ARPC5: variants seen among roughly 807,000 people sequenced by gnomAD.
The protein encoded by ARPC5 is actin related protein 2/3 complex subunit 5.
ARPC5 carries 5 observed loss-of-function variants against 15.4 expected under a neutral mutation model. That is an observed-to-expected ratio of 0.32 (90% confidence interval 0.17 to 0.68). ARPC5 has a LOEUF of 0.68. Ranked by LOEUF, ARPC5 falls within the 30% of genes least tolerant of loss-of-function variation. ARPC5 has a pLI of 0.71. For missense variants in ARPC5, 138 were observed against 192.8 expected (o/e 0.72, Z 1.68); for synonymous variants, 85 against 72.2 (o/e 1.18, Z -0.90).
At position 183,629,410 on chromosome 1, in the gene ARPC5, C is replaced by T. The variant is rs1649202623; in HGVS notation, c.393+1051G>A. 2.0e-5 allele frequency among the ~76,000 whole-genome samples: 3 copies of T among 152,116 alleles called. No individual in the cohort carries two copies. The South Asian group carries it at 6.2e-4, about 32-fold the overall frequency. On this transcript the variant is annotated intron_variant, in intron 3 of 3. Coordinates refer to ENST00000359856, the MANE Select transcript of ARPC5 (RefSeq NM_005717.4). ...ATGGTACCTGGCAACAGAAAGTGTTCCATGAATAGGGTGCCATATAAATTA... is the reference window on the plus strand; with the variant it reads ...ATGGTACCTGGCAACAGAAAGTGTTTCATGAATAGGGTGCCATATAAATTA...
rs930247672 is a variant in ARPC5, at chr1:183,624,031, AAAATT to A, written c.*3496_*3500del. ...GAGCAAGACTCCATCTCAAAAAAAA[AAAATT>A]AATTAATTAATTTTCTTTTTTACCT... is the stretch of plus-strand genomic sequence containing the variant. On this transcript the variant is annotated 3_prime_UTR_variant, in exon 4 of 4. Coordinates refer to ENST00000359856, the MANE Select transcript of ARPC5 (RefSeq NM_005717.4). 1.2e-4 allele frequency: 18 copies of A among 153,824 alleles called. No individual in the cohort carries two copies. The highest frequency in any genetic ancestry group is 3.2e-4 in the African/African-American group (13 of 40,314). The allele number at this position is 153,824 out of a possible 1,614,324, so 9.5% of individuals were successfully genotyped here. A position where few individuals can be genotyped will look rare whatever the true frequency, so the allele number is the denominator to read the frequency against.
chr1:183,635,123 C>CA (rs1292439420), intron 1 of ARPC5, among the ~76,000 whole-genome samples: 1 of 152,146 alleles, frequency 6.6e-6, no homozygotes, highest in Non-Finnish European at 1.5e-5. Context: ...CCCAGGAAAT[C>CA]AGAGTTCTAG....
Position 183,627,547 on chromosome 1 carries a change from T to C in ARPC5, c.441A>G (p.Ala147=), listed in dbSNP as rs758123791. Residue 147 remains alanine (A), a synonymous_variant, in exon 4 of 4, where the codon GCA becomes GCG. Coordinates refer to ENST00000359856, the MANE Select transcript of ARPC5 (RefSeq NM_005717.4). ...TCCTGCCAGACTACACAGTTTTTCT[T>C]GCAGTCAAGACACGAACAATGGACC... is the stretch of plus-strand genomic sequence containing the variant. The part of the protein sequence containing the change: ...GVGSIVRVLT[A]RKTV 5 of 1,614,114 alleles carry C rather than the reference T, an allele frequency of 3.1e-6. No individual in the cohort carries two copies. Among genetic ancestry groups the C allele is most frequent in the East Asian group, 4.5e-5 (2 of 44,884 alleles).
At chr1:183,628,201 A>AAAAAAC (rs1491059954) in intron 3 of ARPC5, among the ~76,000 whole-genome samples, 1 of 148,762 alleles carries the variant, frequency 6.7e-6, no homozygotes, top group African/African-American at 2.5e-5. Context: ...AAAAAAAAAA[A>AAAAAAC]ATCTGCAGCA....
At chr1:183,633,521 A>G (rs1649327396) in intron 1 of ARPC5, 1 of 155,980 alleles carries the variant, frequency 6.4e-6, no homozygotes, top group African/African-American at 2.4e-5. Flanking sequence ...ATAACCTATT[A>G]TCAACCAAAA....
intron 1 of ARPC5, among the ~76,000 whole-genome samples, chr1:183,634,770 G>C (rs1212325169): frequency 6.6e-6 from 1 of 152,026 alleles, no homozygotes; most frequent in Non-Finnish European, 1.5e-5. Flanking sequence ...CGCATTCCCC[G>C]TTGTTTTTTC....
Position 183,635,689 on chromosome 1 carries a change from T to C in ARPC5, c.-30A>G, listed in dbSNP as rs1304556141. On this transcript the variant is annotated 5_prime_UTR_variant, in exon 1 of 4. Coordinates refer to ENST00000359856, the MANE Select transcript of ARPC5 (RefSeq NM_005717.4). Reference sequence around the variant, plus strand: ...ATCCCGACCAGCGGCAAAGGCCTCTTCTTGGCGCTGCCTCTACCTCAGCAA... The same window carrying C: ...ATCCCGACCAGCGGCAAAGGCCTCTCCTTGGCGCTGCCTCTACCTCAGCAA... The C allele has an allele frequency of 6.2e-7, 1 of 1,603,242 alleles. No homozygotes were observed. The highest frequency in any genetic ancestry group is 2.3e-5 in the East Asian group (1 of 44,302).
At chr1:183,629,196 A>G (rs1378814883) in intron 3 of ARPC5, among the ~76,000 whole-genome samples, 5 of 152,348 alleles carry the variant, frequency 3.3e-5, no homozygotes, top group East Asian at 1.9e-4. Flanking sequence ...AAATGAGTTA[A>G]TATTTATAAA....
chr1:183,627,608 A>G lies in ARPC5; in HGVS notation c.394-14T>C. On this transcript the variant is annotated splice_polypyrimidine_tract_variant and intron_variant, in intron 3 of 3. Coordinates refer to ENST00000359856, the MANE Select transcript of ARPC5 (RefSeq NM_005717.4). ...AGCAGCAAGTGCCTAAAAACAAACCAAGATGTAAATGTTGACAGAATAATA... is the reference window on the plus strand; with the variant it reads ...AGCAGCAAGTGCCTAAAAACAAACCGAGATGTAAATGTTGACAGAATAATA... 2 of 1,607,510 alleles carry G rather than the reference A, an allele frequency of 1.2e-6. No homozygotes were observed. The highest frequency in any genetic ancestry group is 1.3e-5 in the African/African-American group (1 of 74,834).
chr1:183,630,857 T>A, intron 2 of ARPC5: 1 of 444,632 alleles, frequency 2.2e-6, no homozygotes, highest in South Asian at 5.0e-5. Flanking sequence ...CCAATGTGGT[T>A]GGAGTGGATT....
chr1:183,631,235 A>G (rs1649253999), intron 2 of ARPC5: 1 of 151,990 alleles, frequency 6.6e-6, no homozygotes, highest in South Asian at 2.1e-4. Context: ...ATAATTTAAC[A>G]ATTTATTAAA....
In ARPC5 at chr1:183,622,264, T is replaced by G. The variant is rs1648959559; in HGVS notation, c.*5268A>C. 6.6e-6 allele frequency: 1 copy of G among 152,238 alleles called. No homozygotes were observed. 9.4% of individuals were successfully genotyped at this position (152,238 alleles called of 1,614,324 possible). On this transcript the variant is annotated 3_prime_UTR_variant, in exon 4 of 4. Transcript: ENST00000359856. ...ATGGAAAATTACCACAGTACATATT[T>G]CTTACCTTTTGAATATTGAACAATA...
rs1179284615 is a variant in ARPC5, at chr1:183,627,274, T to C, written c.*258A>G. 8.3e-6 allele frequency: 4 copies of C among 481,012 alleles called. No individual in the cohort carries two copies. The highest frequency in any genetic ancestry group is 3.7e-5 in the East Asian group (1 of 27,238). 29.8% of individuals were successfully genotyped at this position (481,012 alleles called of 1,614,324 possible). On this transcript the variant is annotated 3_prime_UTR_variant, in exon 4 of 4. Transcript: ENST00000359856. ...AAACTTGAATGTAAATTATACTATA[T>C]ACAGATTGGTATAAACATCACTGAA...
intron 3 of ARPC5, among the ~76,000 whole-genome samples, chr1:183,628,816 T>C (rs992966831): frequency 5.3e-5 from 8 of 152,348 alleles, no homozygotes; most frequent in East Asian, 3.9e-4. Context: ...GGCATTGCTA[T>C]AGCCTGAGGG....
chr1:183,630,355 CA>C, intron 3 of ARPC5, 105 bp downstream of exon 3: 2 of 945,736 alleles, frequency 2.1e-6, no homozygotes, highest in East Asian at 2.7e-5. Context: ...TTTGTAATAA[CA>C]AAAATGTACA....
rs368629315 is a variant in ARPC5 at position 183,634,993 on chromosome 1, G to A, written c.143+524C>T. Among the ~76,000 whole-genome samples the A allele has an allele frequency of 3.2e-5, 4 of 125,366 alleles. No individual in the cohort carries two copies. In the East Asian group the frequency reaches 6.6e-4, roughly 21 times the overall value. The allele number at this position is 125,366 out of a possible 152,430, so 82.2% of individuals were successfully genotyped here. A position where few individuals can be genotyped will look rare whatever the true frequency, so the allele number is the denominator to read the frequency against. ...TTTTCGAACAGTCCCATCTCCCCCC[G>A]CCCCCCGGTAAGGAATAAACTACCT... is the stretch of plus-strand genomic sequence containing the variant. On this transcript the variant is annotated intron_variant, in intron 1 of 3. Transcript: ENST00000359856.
rs913985545 is a variant in ARPC5 at position 183,624,756 on chromosome 1, A to C, written c.*2776T>G. ...AACTGCATTTACAGTCAAATGCTAA[A>C]TTGTATGACGTTAATTCTCTTTTTT... On this transcript the variant is annotated 3_prime_UTR_variant, in exon 4 of 4. Transcript: ENST00000359856. 1 of 152,118 alleles carries C rather than the reference A, an allele frequency of 6.6e-6. No homozygotes were observed. The highest frequency in any genetic ancestry group is 2.4e-5 in the African/African-American group (1 of 41,416). The allele number at this position is 152,118 out of a possible 1,614,324, so 9.4% of individuals were successfully genotyped here. A position where few individuals can be genotyped will look rare whatever the true frequency, so the allele number is the denominator to read the frequency against.
chr1:183,626,972 G>A lies in ARPC5; in HGVS notation c.*560C>T, dbSNP rs1649120603. On this transcript the variant is annotated 3_prime_UTR_variant, in exon 4 of 4. Coordinates refer to ENST00000359856, the MANE Select transcript of ARPC5 (RefSeq NM_005717.4). The stretch of plus-strand genomic sequence containing the variant: ...CTTAAACCCACAGTACAGATAATCA[G>A]GAGGCAAGCAAAAACAAAGCTATAA... 2 of 153,348 alleles carry A rather than the reference G, an allele frequency of 1.3e-5. No individual in the cohort carries two copies. The highest frequency in any genetic ancestry group is 3.8e-4 in the East Asian group (2 of 5,208). The allele number at this position is 153,348 out of a possible 1,614,324, so 9.5% of individuals were successfully genotyped here. A position where few individuals can be genotyped will look rare whatever the true frequency, so the allele number is the denominator to read the frequency against.
chr1:183,623,761 G>T lies in ARPC5; in HGVS notation c.*3771C>A, dbSNP rs563492006. The T allele has an allele frequency of 2.2e-6, 1 of 444,620 alleles. No individual in the cohort carries two copies. Among genetic ancestry groups the T allele is most frequent in the South Asian group, 2.6e-5 (1 of 38,776 alleles). 27.5% of individuals were successfully genotyped at this position (444,620 alleles called of 1,614,324 possible). A position where few individuals can be genotyped will look rare whatever the true frequency, so the allele number is the denominator to read the frequency against. On this transcript the variant is annotated 3_prime_UTR_variant, in exon 4 of 4. Coordinates refer to ENST00000359856, the MANE Select transcript of ARPC5 (RefSeq NM_005717.4). ...CAATCTGGCTGGGCGCGGTGGTCACGCCTGTAATCCCAGTGCTTTGGGAGG... is the reference window on the plus strand; with the variant it reads ...CAATCTGGCTGGGCGCGGTGGTCACTCCTGTAATCCCAGTGCTTTGGGAGG...
Sources: gnomAD v4.1 joint callset for allele counts (sites outside exome capture counted in the v4.1 genomes callset) on GRCh38, gnomAD v4.1.1 for gene constraint, MANE v1.5 for transcripts, NCBI Gene and HGNC (gene_info 2026-07-23, HGNC 2026-07-21) for gene names.